Variants in COL5A1 observed in about 807,000 individuals in gnomAD.
COL5A1 encodes the protein collagen type V alpha 1 chain, also known as collagen alpha-1(V) chain.
COL5A1 carries 16 observed loss-of-function variants against 263.7 expected under a neutral mutation model. That is an observed-to-expected ratio of 0.06 (90% CI 0.04 to 0.09). COL5A1 has a LOEUF of 0.09. Ranked by LOEUF, COL5A1 falls within the 10% of genes least tolerant of loss-of-function variation. The probability of loss-of-function intolerance (pLI) is 1.00; values close to 1 mark genes in which losing one functional copy is unlikely to be tolerated. For missense variants in COL5A1, 2,036 were observed against 2,540.5 expected (o/e 0.80, Z 4.27); for synonymous variants, 1,012 against 1,004.5 (o/e 1.01, Z -0.14).
intron 60 of COL5A1, 118 bp downstream of exon 60, chr9:134,823,151 G>A (rs553926921): frequency 2.5e-5 from 31 of 1,263,274 alleles, no homozygotes; most frequent in Middle Eastern, 1.8e-4. Context: ...TGCTGCTCAC[G>A]ATCCTCCCAT....
At chr9:134,735,578 C>A (rs553995650) in intron 9 of COL5A1, among the ~76,000 whole-genome samples, 5 of 152,302 alleles carry the variant, frequency 3.3e-5, no homozygotes, top group Admixed American at 2.0e-4. Flanking sequence ...AGACGCTGAC[C>A]TGGGATGATC....
chr9:134,815,739 G>GCCTGCCC, intron 51 of COL5A1, 110 bp downstream of exon 51: 1 of 1,344,078 alleles, frequency 7.4e-7, no homozygotes, highest in Non-Finnish European at 1.0e-6. Context: ...TCCCACTGGG[G>GCCTGCCC]CAGGCAATGT....
chr9:134,705,288 C>T (rs1304491651), intron 4 of COL5A1, among the ~76,000 whole-genome samples: 3 of 151,444 alleles, frequency 2.0e-5, no homozygotes, highest in African/African-American at 4.9e-5. Flanking sequence ...CCAGGGCTAA[C>T]GGCTGGTGCT....
intron 1 of COL5A1, among the ~76,000 whole-genome samples, chr9:134,670,688 T>G (rs1460467714): frequency 6.6e-6 from 1 of 152,166 alleles, no homozygotes; most frequent in Non-Finnish European, 1.5e-5. Flanking sequence ...CTCACATGCA[T>G]GTAGAGCTTT....
Position 134,823,045 on chromosome 9 carries a change from G to T in COL5A1, c.4644+12G>T. On this transcript the variant is annotated intron_variant, in intron 60 of 65. Coordinates refer to ENST00000371817, the MANE Select transcript of COL5A1 (RefSeq NM_000093.5). ...CTAAGGGCTCCTCGGTAAGTAACAT[G>T]CTGCCCAGCCAGGCCAATGCCTGGA... 6.2e-7 allele frequency: 1 copy of T among 1,614,110 alleles called. No individual in the cohort carries two copies. Among genetic ancestry groups the T allele is most frequent in the South Asian group, 1.1e-5 (1 of 91,084 alleles).
At position 134,730,247 on chromosome 9, in the gene COL5A1, G is replaced by A. The variant is rs150364815; in HGVS notation, c.936G>A (p.Pro312=). 58 of 1,613,698 alleles carry A rather than the reference G, an allele frequency of 3.6e-5. No individual in the cohort carries two copies. Among genetic ancestry groups the A allele is most frequent in the African/African-American group, 5.3e-5 (4 of 74,942 alleles). The change falls in exon 7 of 66, where the codon CCG becomes CCA. Residue 312 remains proline (P), a synonymous_variant. Transcript: ENST00000371817. The stretch of plus-strand genomic sequence containing the variant: ...TCCTTGGCTCCCAGGAGCTGACCCC[G>A]ACCCCCACGGAAGCTGCTCCCATGC... ...ETTEVPEELT[P]TPTEAAPMPE...
In COL5A1 at chr9:134,715,739, A is replaced by G. The variant is rs114584092; in HGVS notation, c.655-11527A>G. 3.2e-3 allele frequency among the ~76,000 whole-genome samples: 493 copies of G among 152,376 alleles called. 1 individual carries two copies. The highest frequency in any genetic ancestry group is 0.011 in the African/African-American group (462 of 41,586). ...ATTAAACCTTGAGTCGACACAGCAC[A>G]TGTCTCTGCGACCACAGGGTTAGAG... On this transcript the variant is annotated intron_variant, in intron 4 of 65. Transcript: ENST00000371817.
At chr9:134,661,859 C>G (rs1439971170) in intron 1 of COL5A1, among the ~76,000 whole-genome samples, 12 of 152,176 alleles carry the variant, frequency 7.9e-5, no homozygotes, top group Admixed American at 7.9e-4. Context: ...CGCTTCTTCC[C>G]TTTCCAGCCC....
chr9:134,719,566 A>G (rs991994670), intron 4 of COL5A1, among the ~76,000 whole-genome samples: 5 of 152,222 alleles, frequency 3.3e-5, no homozygotes, highest in African/African-American at 1.2e-4. Context: ...TTGGCCCTGC[A>G]GGAGGGCTGG....
chr9:134,750,632 A>G lies in COL5A1; in HGVS notation c.1569+16A>G, dbSNP rs12685946. On this transcript the variant is annotated intron_variant, in intron 12 of 65. Transcript: ENST00000371817. ...CATGCTGCCCGTGAGTACCCTTATC[A>G]GTCGGAGGTGGGGAGGCAGCTGGGG... 386,931 of 1,612,112 alleles carry G rather than the reference A, an allele frequency of 0.24. 49,976 individuals carry two copies. The highest frequency in any genetic ancestry group is 0.47 in the African/African-American group (35,516 of 74,900).
intron 35 of COL5A1, 132 bp downstream of exon 35, chr9:134,796,550 A>T (rs183876803): frequency 1.0e-6 from 1 of 971,386 alleles, no homozygotes; most frequent in Non-Finnish European, 1.6e-6. Flanking sequence ...GGGTTTTCCT[A>T]AGATCCCAAG....
intron 32 of COL5A1, among the ~76,000 whole-genome samples, chr9:134,793,894 G>T (rs997506060): frequency 1.3e-5 from 2 of 152,162 alleles, no homozygotes; most frequent in South Asian, 4.1e-4. Context: ...CATCATAAAT[G>T]GTTTTAATAA....
chr9:134,730,892 G>C (rs965712155), intron 7 of COL5A1, among the ~76,000 whole-genome samples: 1 of 152,330 alleles, frequency 6.6e-6, no homozygotes, highest in South Asian at 2.1e-4. Flanking sequence ...AGCGAAGCAG[G>C]AGCTGGGGCC....
rs1477330176 is a variant in COL5A1, at chr9:134,754,971, C to G, written c.1827+645C>G. 6.6e-6 allele frequency among the ~76,000 whole-genome samples: 1 copy of G among 152,118 alleles called. No individual in the cohort carries two copies. On this transcript the variant is annotated intron_variant, in intron 16 of 65. Coordinates refer to ENST00000371817, the MANE Select transcript of COL5A1 (RefSeq NM_000093.5). The surrounding 1 kb of genome is among the most constrained non-coding windows in gnomAD (Gnocchi z 4.3). ...GGGTTGGATTTGTTTCAGTGTGGAC[C>G]TCTTCCCAGTATGTTGTCTACCTAA...
At chr9:134,717,007 A>T (rs902989588) in intron 4 of COL5A1, among the ~76,000 whole-genome samples, 17 of 146,680 alleles carry the variant, frequency 1.2e-4, no homozygotes, top group Non-Finnish European at 3.0e-5. Flanking sequence ...TGTGAAAACC[A>T]TGGAAAAAAT....
rs1836624292 is a variant in COL5A1 at position 134,765,366 on chromosome 9, C to A, written c.2035-315C>A. Among the ~76,000 whole-genome samples the A allele has an allele frequency of 6.6e-6, 1 of 152,128 alleles. No homozygotes were observed. Among genetic ancestry groups the A allele is most frequent in the Non-Finnish European group, 1.5e-5 (1 of 68,018 alleles). On this transcript the variant is annotated intron_variant, in intron 20 of 65. Transcript: ENST00000371817. The surrounding 1 kb of genome is among the most constrained non-coding windows in gnomAD (Gnocchi z 5.1). ...TGGTGATTCTCTGGGGGAGCGTCTG[C>A]TCACCTGCCCCAGCAAGTGTCAGAG...
intron 53 of COL5A1, 152 bp downstream of exon 53, chr9:134,817,231 A>T (rs1838791531): frequency 8.4e-6 from 6 of 715,956 alleles, no homozygotes; most frequent in Non-Finnish European, 9.8e-6. Flanking sequence ...AGCCTCGGCC[A>T]CATCATCACC....
rs754640324 is a variant in COL5A1, at chr9:134,728,751, C to A, written c.868C>A (p.Pro290Thr). 1 of 1,614,182 alleles carries A rather than the reference C, an allele frequency of 6.2e-7. No homozygotes were observed. The highest frequency in any genetic ancestry group is 1.1e-5 in the South Asian group (1 of 91,084). ...YEDPEDLGKEPTPSKKPVEAA... is the reference protein window; with the variant it reads ...YEDPEDLGKETTPSKKPVEAA... ...AGACCCCGAAGACCTAGGGAAGGAG[C>A]CCACCCCCAGCAAGAAGCCCGTGGA... Residue 290 changes from proline (P) to threonine (T), a missense_variant, in exon 6 of 66, where the codon CCC becomes ACC. Physicochemically the swap from Pro to Thr is conservative, Grantham distance 38 (BLOSUM62 -1). This residue lies in a region of COL5A1 where 600 missense variants were observed against 634.5 expected (regional missense o/e 0.95). Transcript: ENST00000371817.
chr9:134,819,131 G>A, intron 57 of COL5A1, 78 bp downstream of exon 57: 1 of 1,449,922 alleles, frequency 6.9e-7, no homozygotes, highest in Non-Finnish European at 9.7e-7. Context: ...AACTCAACAA[G>A]CTCTTGATCC....
Sources: gnomAD v4.1 joint callset for allele counts (sites outside exome capture counted in the v4.1 genomes callset) on GRCh38, gnomAD v4.1.1 for gene constraint, gnomAD v4.1.1 regional missense constraint, Gnocchi (gnomAD v3.1) non-coding constraint, MANE v1.5 for transcripts, NCBI Gene and HGNC (gene_info 2026-07-23, HGNC 2026-07-21) for gene names.